The following ADAMTS9 variants were observed in gnomAD, a reference collection of about 807,000 sequenced individuals.
ADAMTS9 encodes the protein A disintegrin and metalloproteinase with thrombospondin motifs 9.
In ADAMTS9, 107 loss-of-function variants were observed where a neutral mutation model predicts 257.1. The ratio of observed to expected loss-of-function variants is 0.42; its 90% CI spans 0.36 to 0.49. The LOEUF (loss-of-function observed/expected upper bound fraction) is 0.49. Among genes scored for constraint, ADAMTS9 ranks in the 20% least tolerant of loss-of-function variants. ADAMTS9 has a pLI of 0.03. For synonymous variants in ADAMTS9, 982 were observed against 880.9 expected, an observed-to-expected ratio of 1.11 and a Z score of -2.03; for missense variants, 2,353 against 2,469.1, an observed-to-expected ratio of 0.95 and a Z score of 1.00.
chr3:64,599,803 A>G (rs1559785326), intron 26 of ADAMTS9, among the ~76,000 whole-genome samples: 1 of 152,208 alleles, frequency 6.6e-6, no homozygotes, highest in Non-Finnish European at 1.5e-5. Context: ...ATAAGGTTTT[A>G]TTGGAACAGA....
chr3:64,651,841 G>T (rs1700938762), intron 8 of ADAMTS9, among the ~76,000 whole-genome samples: 1 of 152,120 alleles, frequency 6.6e-6, no homozygotes, highest in Non-Finnish European at 1.5e-5. Context: ...CTGGCTTCCT[G>T]AAAAGCCAGG....
chr3:64,636,508 T>C (rs1700499806), intron 12 of ADAMTS9, among the ~76,000 whole-genome samples: 2 of 152,180 alleles, frequency 1.3e-5, no homozygotes, highest in African/African-American at 4.8e-5. Flanking sequence ...GATTAATACA[T>C]TCAAAGCACT....
intron 3 of ADAMTS9, among the ~76,000 whole-genome samples, chr3:64,673,248 A>G (rs1434123790): frequency 6.6e-6 from 1 of 152,198 alleles, no homozygotes; most frequent in African/African-American, 2.4e-5. Context: ...AAGGCACTTC[A>G]GACAAGGAGT....
chr3:64,529,270 T>G (rs2082947938), intron 38 of ADAMTS9, among the ~76,000 whole-genome samples: 1 of 152,252 alleles, frequency 6.6e-6, no homozygotes, highest in South Asian at 2.1e-4. Context: ...AGACTGATTT[T>G]GACCAGTTCT....
At chr3:64,584,673 T>C (rs772155484) in intron 28 of ADAMTS9, among the ~76,000 whole-genome samples, 15 of 152,122 alleles carry the variant, frequency 9.9e-5, no homozygotes. Flanking sequence ...TATAGAAAGA[T>C]TGCAAGAACA....
intron 32 of ADAMTS9, among the ~76,000 whole-genome samples, chr3:64,545,191 A>T (rs2083181004): frequency 6.6e-6 from 1 of 152,220 alleles, no homozygotes; most frequent in Non-Finnish European, 1.5e-5. Flanking sequence ...ATTGTGGAAG[A>T]CAGTGTGGCT....
chr3:64,603,280 C>A (rs928186447), intron 25 of ADAMTS9, among the ~76,000 whole-genome samples: 11 of 152,162 alleles, frequency 7.2e-5, no homozygotes, highest in African/African-American at 1.4e-4. Context: ...ATTTCTCTCT[C>A]TATATTATGA....
At chr3:64,663,181 AATG>A (rs756187626) in intron 3 of ADAMTS9, among the ~76,000 whole-genome samples, 7 of 152,108 alleles carry the variant, frequency 4.6e-5, no homozygotes, top group Non-Finnish European at 1.0e-4. Context: ...AATTGACTGA[AATG>A]ATGATTATAC....
At position 64,606,996 on chromosome 3, in the gene ADAMTS9, A is replaced by G. The variant is rs757105289; in HGVS notation, c.3438T>C (p.Asn1146=). The change falls in exon 23 of 40, where the codon AAT becomes AAC. Residue 1146 remains asparagine, a synonymous_variant. Transcript: ENST00000498707. ...IGTYMSVVDD[N]DCNAATRPTD... is the part of the protein sequence containing the mutation. ...TTGGTCTAGTTGCTGCATTACAGTC[A>G]TTGTCATCTACCACTGACATATAAG... is the stretch of plus-strand genomic sequence containing the variant. The G allele has an allele frequency of 1.9e-6, 3 of 1,613,908 alleles. No individual in the cohort carries two copies. Among genetic ancestry groups the G allele is most frequent in the Non-Finnish European group, 2.5e-6 (3 of 1,179,812 alleles).
Position 64,615,944 on chromosome 3 carries a change from G to A in ADAMTS9, c.3024+16C>T, listed in dbSNP as rs367878539. 1.5e-4 allele frequency: 246 copies of A among 1,612,258 alleles called. No homozygotes were observed. The highest frequency in any genetic ancestry group is 1.9e-4 in the Non-Finnish European group (220 of 1,179,864). Reference sequence around the variant, plus strand: ...GACAGCATCCAAGAAGACTCTTTGAGTGAGAGCCAACTTACTTCAGTCCAG... The same window carrying A: ...GACAGCATCCAAGAAGACTCTTTGAATGAGAGCCAACTTACTTCAGTCCAG... On this transcript the variant is annotated intron_variant, in intron 20 of 39. Coordinates refer to ENST00000498707, the MANE Select transcript of ADAMTS9 (RefSeq NM_182920.2).
chr3:64,640,307 C>G (rs1700606093), intron 12 of ADAMTS9, among the ~76,000 whole-genome samples: 1 of 152,178 alleles, frequency 6.6e-6, no homozygotes, highest in South Asian at 2.1e-4. Context: ...CAGTTGCCTA[C>G]AGCTATATTC....
chr3:64,608,185 ATG>A (rs2084593266), intron 22 of ADAMTS9, among the ~76,000 whole-genome samples: 3 of 144,754 alleles, frequency 2.1e-5, no homozygotes, highest in East Asian at 2.1e-4. Context: ...AAAAAAAAAA[ATG>A]AAGAAAGATC....
intron 31 of ADAMTS9, 151 bp from the exon 32 acceptor site, chr3:64,547,103 G>T: frequency 1.4e-6 from 1 of 714,004 alleles, no homozygotes; most frequent in Non-Finnish European, 2.2e-6. Flanking sequence ...CAAGTGGCAG[G>T]CCCTGAGCGC....
intron 29 of ADAMTS9, among the ~76,000 whole-genome samples, chr3:64,564,865 A>G (rs1333190519): frequency 6.6e-6 from 1 of 152,198 alleles, no homozygotes; most frequent in Non-Finnish European, 1.5e-5. Context: ...AATAAATAAA[A>G]CAAAAAAACA....
intron 4 of ADAMTS9, among the ~76,000 whole-genome samples, chr3:64,656,684 G>A (rs1417586896): frequency 6.6e-6 from 1 of 152,102 alleles, no homozygotes; most frequent in Non-Finnish European, 1.5e-5. Flanking sequence ...TATGCGCAGG[G>A]CCTGATTAGA....
rs371635555 is a variant in ADAMTS9 at position 64,683,631 on chromosome 3, A to G, written c.517-2268T>C. ...GTAGTGCCAGGCAGACATTAATAGT[A>G]AGAGCTCAATAAATCATATCAATGT... On this transcript the variant is annotated intron_variant, in intron 2 of 39. Coordinates refer to ENST00000498707, the MANE Select transcript of ADAMTS9 (RefSeq NM_182920.2). Among the ~76,000 whole-genome samples the G allele has an allele frequency of 8.7e-4, 132 of 151,786 alleles. 3 individuals are homozygous for G. The South Asian group carries it at 0.02, about 23-fold the overall frequency.
At chr3:64,519,617 A>G (rs2106865876) in intron 39 of ADAMTS9, among the ~76,000 whole-genome samples, 1 of 152,362 alleles carries the variant, frequency 6.6e-6, no homozygotes, top group African/African-American at 2.4e-5. Flanking sequence ...AGTGGACTTT[A>G]TTCTTGGCAG....
intron 28 of ADAMTS9, among the ~76,000 whole-genome samples, chr3:64,574,395 G>A (rs2106710447): frequency 6.6e-6 from 1 of 151,792 alleles, no homozygotes; most frequent in Middle Eastern, 3.4e-3. Context: ...ACTTGCCCAG[G>A]GTCATAGCAC....
chr3:64,634,381 C>CCT (rs1237328808), intron 12 of ADAMTS9, among the ~76,000 whole-genome samples: 3 of 152,128 alleles, frequency 2.0e-5, no homozygotes, highest in Non-Finnish European at 4.4e-5. Flanking sequence ...TCATTCTGTC[C>CCT]CTCTACTCCC....
Sources: allele counts gnomAD v4.1 joint callset (sites outside exome capture counted in the v4.1 genomes callset), GRCh38; gene constraint gnomAD v4.1.1; transcripts MANE v1.5; gene names NCBI Gene and HGNC (gene_info 2026-07-23, HGNC 2026-07-21).